The following CDA variants were observed in gnomAD, a reference collection of about 807,000 sequenced individuals.
CDA encodes cytidine deaminase.
A neutral mutation model predicts 15.0 loss-of-function variants in CDA; 7 were observed. The observed-to-expected ratio is 0.47, with a 90% CI of 0.26 to 0.87. The LOEUF is 0.87. Ranked by LOEUF, CDA falls within the 40% of genes least tolerant of loss-of-function variation. The pLI is 0.15. For missense variants in CDA, 159 were observed against 182.7 expected (o/e 0.87, Z 0.75); for synonymous variants, 58 against 73.0 (o/e 0.79, Z 1.05).
intron 2 of CDA, among the ~76,000 whole-genome samples, chr1:20,608,348 TA>T (rs1302461843): frequency 2.4e-5 from 3 of 124,390 alleles, no homozygotes; most frequent in Non-Finnish European, 5.5e-5. Context: ...ACGATTTCTG[TA>T]AAGTTCCTGA....
intron 1 of CDA, among the ~76,000 whole-genome samples, chr1:20,594,547 G>A (rs2052575144): frequency 1.3e-5 from 2 of 152,108 alleles, no homozygotes; most frequent in African/African-American, 4.8e-5. Flanking sequence ...CGGTGCTTTT[G>A]GAGGCCGAGC....
At chr1:20,593,582 G>GT (rs939356050) in intron 1 of CDA, among the ~76,000 whole-genome samples, 1 of 152,046 alleles carries the variant, frequency 6.6e-6, no homozygotes, top group African/African-American at 2.4e-5. Context: ...TTTTGTTTTT[G>GT]TTTTTGTTTT....
rs555161780 is a variant in CDA, at chr1:20,593,076, G to A, written c.154+3793G>A. On this transcript the variant is annotated intron_variant, in intron 1 of 3. Coordinates refer to ENST00000375071, the MANE Select transcript of CDA (RefSeq NM_001785.3). ...ACCACTGTACATCAGCTGGGCGACA[G>A]AATGAGACCCTGTCTCAAAAAATAA... 3.3e-5 allele frequency among the ~76,000 whole-genome samples: 5 copies of A among 152,276 alleles called. No individual in the cohort carries two copies. In the South Asian group the frequency reaches 1.0e-3, roughly 32 times the overall value.
intron 1 of CDA, 25 bp from the exon 2 acceptor site, chr1:20,604,903 C>A (rs2052680326): frequency 3.4e-6 from 5 of 1,468,360 alleles, no homozygotes; most frequent in Non-Finnish European, 4.8e-6. Context: ...GCCAGACATA[C>A]CACTGGACTC....
chr1:20,616,423 C>T (rs77424514), intron 3 of CDA, among the ~76,000 whole-genome samples: 1,739 of 152,160 alleles, frequency 0.011, 31 homozygotes, highest in African/African-American at 0.039. Context: ...TGCTTCCTGC[C>T]AGGAGTGCAA....
At chr1:20,603,044 C>T (rs780654443) in intron 1 of CDA, among the ~76,000 whole-genome samples, 8 of 152,194 alleles carry the variant, frequency 5.3e-5, no homozygotes, top group Non-Finnish European at 1.0e-4. Context: ...GTGGTGGGTA[C>T]CACGGCCTGC....
intron 1 of CDA, among the ~76,000 whole-genome samples, chr1:20,597,088 C>T (rs950114986): frequency 1.3e-5 from 2 of 152,020 alleles, no homozygotes; most frequent in African/African-American, 2.4e-5. Context: ...AACATCTGAC[C>T]GCAGCCCTGC....
intron 1 of CDA, 134 bp from the exon 2 acceptor site, chr1:20,604,794 G>T (rs1179354113): frequency 2.8e-6 from 2 of 705,646 alleles, no homozygotes; most frequent in African/African-American, 1.8e-5. Flanking sequence ...TGCCCTAATT[G>T]CCCTGTCCTT....
rs765252821 is a variant in CDA, at chr1:20,618,443, C to T, written c.325-9C>T. On this transcript the variant is annotated splice_polypyrimidine_tract_variant and intron_variant, in intron 3 of 3. Transcript: ENST00000375071. Reference sequence around the variant, plus strand: ...TGTGTCTCTCACGCCAGCTTTGCCTCTTTTCCAGTTTGGCACCAACTGGCC... The same window carrying T: ...TGTGTCTCTCACGCCAGCTTTGCCTTTTTTCCAGTTTGGCACCAACTGGCC... 2.5e-6 allele frequency: 4 copies of T among 1,579,076 alleles called. No individual in the cohort carries two copies. Among genetic ancestry groups the T allele is most frequent in the Non-Finnish European group, 3.5e-6 (4 of 1,149,746 alleles).
At chr1:20,616,584 A>G (rs1468118565) in intron 3 of CDA, among the ~76,000 whole-genome samples, 1 of 152,194 alleles carries the variant, frequency 6.6e-6, no homozygotes, top group South Asian at 2.1e-4. Context: ...CAGGGCGCCA[A>G]GTCCCTGGCT....
At chr1:20,605,400 C>T (rs1409393486) in intron 2 of CDA, among the ~76,000 whole-genome samples, 2 of 151,892 alleles carry the variant, frequency 1.3e-5, no homozygotes, top group African/African-American at 4.8e-5. Flanking sequence ...TGGCTCACGC[C>T]TGTAATCCCA....
chr1:20,593,842 TG>T (rs1349089828), intron 1 of CDA, among the ~76,000 whole-genome samples: 1 of 152,196 alleles, frequency 6.6e-6, no homozygotes. Flanking sequence ...CACACAGTAC[TG>T]GGATTACAGG....
intron 2 of CDA, among the ~76,000 whole-genome samples, chr1:20,613,373 T>G (rs969823108): frequency 2.6e-5 from 4 of 151,988 alleles, no homozygotes; most frequent in Non-Finnish European, 5.9e-5. Flanking sequence ...CCTGGGTAAT[T>G]TTTGTATTTT....
rs59282672 is a variant in CDA, at chr1:20,605,659, CAA to C, written c.266+633_266+634del. Among the ~76,000 whole-genome samples the C allele has an allele frequency of 8.8e-5, 9 of 102,818 alleles. 1 individual carries two copies. Among genetic ancestry groups the C allele is most frequent in the Admixed American group, 1.9e-4 (2 of 10,678 alleles). The allele number at this position is 102,818 out of a possible 152,430, so 67.5% of individuals were successfully genotyped here. A position where few individuals can be genotyped will look rare whatever the true frequency, so the allele number is the denominator to read the frequency against. On this transcript the variant is annotated intron_variant, in intron 2 of 3. Transcript: ENST00000375071. ...TGGGCGACAGAGCAAGACTCCGTCT[CAA>C]AAAAAAAAAAAATTTTTTTTTGCTG... is the stretch of plus-strand genomic sequence containing the variant.
At chr1:20,591,354 CA>C in intron 1 of CDA, among the ~76,000 whole-genome samples, 1 of 150,490 alleles carries the variant, frequency 6.6e-6, no homozygotes, top group East Asian at 2.0e-4. Flanking sequence ...AACAAACAAA[CA>C]AAAAAAAACA....
chr1:20,594,971 G>C (rs979329651), intron 1 of CDA, among the ~76,000 whole-genome samples: 6 of 152,128 alleles, frequency 3.9e-5, no homozygotes, highest in African/African-American at 1.4e-4. Context: ...ACTGCACGAG[G>C]TGTCCCTGGG....
intron 2 of CDA, among the ~76,000 whole-genome samples, chr1:20,609,676 G>A (rs1002412731): frequency 3.9e-5 from 6 of 152,168 alleles, no homozygotes; most frequent in Non-Finnish European, 7.3e-5. Flanking sequence ...GGAATTGTCC[G>A]ATTGGTCTTT....
At chr1:20,605,745 G>A (rs1378688536) in intron 2 of CDA, among the ~76,000 whole-genome samples, 3 of 120,682 alleles carry the variant, frequency 2.5e-5, no homozygotes, top group African/African-American at 8.7e-5. Flanking sequence ...GATCACTTGA[G>A]CCTGGGAGTT....
chr1:20,617,846 C>T (rs766862646), intron 3 of CDA, among the ~76,000 whole-genome samples: 4 of 151,978 alleles, frequency 2.6e-5, no homozygotes, highest in Admixed American at 2.0e-4. Context: ...CATGTGCTTG[C>T]CACCACGCCT....
Sources: gnomAD v4.1 joint callset for allele counts (sites outside exome capture counted in the v4.1 genomes callset) on GRCh38, gnomAD v4.1.1 for gene constraint, MANE v1.5 for transcripts, NCBI Gene and HGNC (gene_info 2026-07-23, HGNC 2026-07-21) for gene names.